The following RAP1GAP2 variants were observed in gnomAD, a reference collection of about 807,000 sequenced individuals.
RAP1GAP2 encodes the protein RAP1 GTPase activating protein 2, also known as rap1 GTPase-activating protein 2.
In RAP1GAP2, 27 loss-of-function variants were observed where a neutral mutation model predicts 95.0. That is an observed-to-expected ratio of 0.28 (90% CI 0.21 to 0.39). The LOEUF (loss-of-function observed/expected upper bound fraction) is 0.39. Ranked by LOEUF, RAP1GAP2 falls within the 10% of genes least tolerant of loss-of-function variation. RAP1GAP2 has a pLI of 1.00. For missense variants in RAP1GAP2, 771 were observed against 970.0 expected, an observed-to-expected ratio of 0.79 and a Z score of 2.72; for synonymous variants, 373 against 380.9, an observed-to-expected ratio of 0.98 and a Z score of 0.24.
chr17:2,916,262 G>C (rs1265632263), intron 3 of RAP1GAP2, among the ~76,000 whole-genome samples: 1 of 152,098 alleles, frequency 6.6e-6, no homozygotes, highest in Admixed American at 6.6e-5. Flanking sequence ...TGGAAAATAC[G>C]TGCCATCCGT....
At chr17:3,010,907 A>G (rs2046512391) in intron 17 of RAP1GAP2, among the ~76,000 whole-genome samples, 3 of 151,180 alleles carry the variant, frequency 2.0e-5, no homozygotes, top group Admixed American at 6.6e-5. Flanking sequence ...GGTTGTGACC[A>G]GATTTTTTTT....
At chr17:2,958,307 A>C (rs1597720983) in intron 4 of RAP1GAP2, among the ~76,000 whole-genome samples, 1 of 152,262 alleles carries the variant, frequency 6.6e-6, no homozygotes, top group East Asian at 1.9e-4. Flanking sequence ...GAAATGAGAT[A>C]ATCGGTGTAA....
intron 1 of RAP1GAP2, among the ~76,000 whole-genome samples, chr17:2,765,401 G>A (rs2068254650): frequency 6.6e-6 from 1 of 152,012 alleles, no homozygotes; most frequent in Non-Finnish European, 1.5e-5. Context: ...CAGGAGGATC[G>A]CTTGAGCCCA....
intron 2 of RAP1GAP2, among the ~76,000 whole-genome samples, chr17:2,809,106 T>A (rs921347967): frequency 2.0e-4 from 30 of 152,188 alleles, no homozygotes; most frequent in Admixed American, 5.2e-4. Context: ...AAGACCCATG[T>A]GCTCCTGGCC....
chr17:2,811,923 C>G (rs1035556208), intron 2 of RAP1GAP2, among the ~76,000 whole-genome samples: 19 of 152,088 alleles, frequency 1.2e-4, no homozygotes, highest in African/African-American at 4.6e-4. Context: ...CCATGTTGGC[C>G]AGGCTGGTCT....
rs1195542245 is a variant in RAP1GAP2, at chr17:3,033,876, T to C, written c.*515T>C. The C allele has an allele frequency of 6.6e-6, 1 of 152,308 alleles. No homozygotes were observed. Among genetic ancestry groups the C allele is most frequent in the Admixed American group, 6.5e-5 (1 of 15,286 alleles). 9.4% of individuals were successfully genotyped at this position (152,308 alleles called of 1,614,324 possible). ...CCATGTTCCCAGGAGCCAAGATTCG[T>C]AGCATCCTTGAGGCCATCCTGATAA... On this transcript the variant is annotated 3_prime_UTR_variant, in exon 25 of 25. Transcript: ENST00000254695. The surrounding 1 kb of genome is among the most constrained non-coding windows in gnomAD (Gnocchi z 4.9).
At chr17:2,819,928 G>T (rs2070208420) in intron 2 of RAP1GAP2, among the ~76,000 whole-genome samples, 1 of 151,754 alleles carries the variant, frequency 6.6e-6, no homozygotes, top group Admixed American at 6.6e-5. Flanking sequence ...TGGGACTACA[G>T]CATGCACCAC....
In RAP1GAP2 at chr17:3,001,766, C is replaced by A. The variant is rs1489419060; in HGVS notation, c.1200+3390C>A. On this transcript the variant is annotated intron_variant, in intron 14 of 24. Coordinates refer to ENST00000254695, the MANE Select transcript of RAP1GAP2 (RefSeq NM_015085.5). Reference sequence around the variant, plus strand: ...CATGTGATAGGAGGGCTCCCAGACCCTCTGGCAGAACGAGGCCTCCTGTAG... The same window carrying A: ...CATGTGATAGGAGGGCTCCCAGACCATCTGGCAGAACGAGGCCTCCTGTAG... 3.3e-5 allele frequency among the ~76,000 whole-genome samples: 5 copies of A among 152,256 alleles called. No individual in the cohort carries two copies. In the South Asian group the frequency reaches 1.0e-3, roughly 31 times the overall value.
At position 2,797,801 on chromosome 17, in the gene RAP1GAP2, G is replaced by A; in HGVS notation, c.44+1230G>A. On this transcript the variant is annotated intron_variant, in intron 1 of 24. Coordinates refer to ENST00000254695, the MANE Select transcript of RAP1GAP2 (RefSeq NM_015085.5). The surrounding 1 kb of genome is among the most constrained non-coding windows in gnomAD (Gnocchi z 5.6). ...CCCGAGGGTAGGTGCCAGTGTCCGG[G>A]AGGCAGCAGAGGACTTGGCTTCTGG... 2.0e-6 allele frequency: 2 copies of A among 985,134 alleles called. No individual in the cohort carries two copies. The highest frequency in any genetic ancestry group is 2.4e-6 in the Non-Finnish European group (2 of 829,700). 61.0% of individuals were successfully genotyped at this position (985,134 alleles called of 1,614,324 possible). A position where few individuals can be genotyped will look rare whatever the true frequency, so the allele number is the denominator to read the frequency against.
intron 3 of RAP1GAP2, among the ~76,000 whole-genome samples, chr17:2,923,881 A>G (rs2042872909): frequency 6.6e-6 from 1 of 152,226 alleles, no homozygotes; most frequent in Non-Finnish European, 1.5e-5. Flanking sequence ...ATAGAGGCAA[A>G]CATAAATGAG....
chr17:2,804,527 A>G (rs973790402), intron 2 of RAP1GAP2, among the ~76,000 whole-genome samples: 4 of 152,108 alleles, frequency 2.6e-5, no homozygotes, highest in African/African-American at 9.7e-5. Flanking sequence ...ACTTTCCCAT[A>G]TTCTTTCCCT....
intron 1 of RAP1GAP2, among the ~76,000 whole-genome samples, chr17:2,785,054 C>A (rs1428469402): frequency 6.6e-6 from 1 of 152,226 alleles, no homozygotes; most frequent in Non-Finnish European, 1.5e-5. Flanking sequence ...GGCATCATCC[C>A]CCTGCCTCGC....
At chr17:3,006,153 G>A (rs1380448853) in intron 16 of RAP1GAP2, 112 bp downstream of exon 16, 2 of 867,632 alleles carry the variant, frequency 2.3e-6, no homozygotes, top group East Asian at 5.7e-5. Flanking sequence ...TTGAGACAGA[G>A]TCTTGCTCTG....
chr17:3,009,261 A>G (rs1013631423), intron 17 of RAP1GAP2, among the ~76,000 whole-genome samples: 3 of 152,200 alleles, frequency 2.0e-5, no homozygotes, highest in African/African-American at 2.4e-5. Context: ...AATATAGTAA[A>G]TGCTCAAAAA....
intron 3 of RAP1GAP2, among the ~76,000 whole-genome samples, chr17:2,944,391 G>T (rs2043631048): frequency 6.6e-6 from 1 of 152,156 alleles, no homozygotes; most frequent in Admixed American, 6.6e-5. Context: ...TTGTTGAAAA[G>T]ACTATTCTTT....
intron 1 of RAP1GAP2, among the ~76,000 whole-genome samples, chr17:2,757,447 C>G (rs1158090875): frequency 1.3e-5 from 2 of 152,148 alleles, no homozygotes; most frequent in African/African-American, 2.4e-5. Context: ...TTTGAATTAC[C>G]TCAGGGGAGG....
intron 2 of RAP1GAP2, among the ~76,000 whole-genome samples, chr17:2,852,042 C>T (rs551556565): frequency 2.6e-5 from 4 of 152,292 alleles, no homozygotes; most frequent in South Asian, 2.1e-4. Flanking sequence ...CTAACTGAAG[C>T]GGTCCATCAG....
chr17:2,848,242 C>G (rs1424817611), intron 2 of RAP1GAP2, among the ~76,000 whole-genome samples: 1 of 152,138 alleles, frequency 6.6e-6, no homozygotes, highest in Non-Finnish European at 1.5e-5. Flanking sequence ...TCACAGAGAT[C>G]CGTTTCCAAA....
At chr17:2,844,154 G>A (rs8082704) in intron 2 of RAP1GAP2, among the ~76,000 whole-genome samples, 118,501 of 151,742 alleles carry the variant, frequency 0.78, 47,004 homozygotes, top group African/African-American at 0.93. Context: ...CGGAGTAGCT[G>A]GGACTACAGG....
Sources: gnomAD v4.1 joint callset for allele counts (sites outside exome capture counted in the v4.1 genomes callset) on GRCh38, gnomAD v4.1.1 for gene constraint, Gnocchi (gnomAD v3.1) non-coding constraint, MANE v1.5 for transcripts, NCBI Gene and HGNC (gene_info 2026-07-23, HGNC 2026-07-21) for gene names.